SH3RF1: variants seen among roughly 807,000 people sequenced by gnomAD.
SH3RF1 encodes E3 ubiquitin-protein ligase SH3RF1.
In SH3RF1, 32 loss-of-function variants were observed where a neutral mutation model predicts 74.0. The observed-to-expected ratio is 0.43, with a 90% confidence interval of 0.33 to 0.58. The LOEUF (loss-of-function observed/expected upper bound fraction) is 0.58. Among genes scored for constraint, SH3RF1 ranks in the 20% least tolerant of loss-of-function variants. SH3RF1 has a pLI of 0.05. For synonymous variants in SH3RF1, 396 were observed against 439.6 expected, an observed-to-expected ratio of 0.90 and a Z score of 1.24; for missense variants, 954 against 1,130.9, an observed-to-expected ratio of 0.84 and a Z score of 2.24.
At chr4:169,123,788 A>C (rs932651806) in intron 6 of SH3RF1, among the ~76,000 whole-genome samples, 2 of 152,042 alleles carry the variant, frequency 1.3e-5, no homozygotes, top group East Asian at 1.9e-4. Context: ...GCTACTCGGG[A>C]GGCTGAGGCA....
At chr4:169,206,901 G>C (rs1467231207) in intron 2 of SH3RF1, among the ~76,000 whole-genome samples, 2 of 152,146 alleles carry the variant, frequency 1.3e-5, no homozygotes, top group Admixed American at 1.3e-4. Flanking sequence ...TTGGGAGGCA[G>C]AACTGGGATC....
At chr4:169,141,812 C>CTTTTTTT (rs35864108) in intron 4 of SH3RF1, among the ~76,000 whole-genome samples, 5 of 118,528 alleles carry the variant, frequency 4.2e-5, no homozygotes, top group African/African-American at 9.6e-5. Context: ...CTAATTTTTG[C>CTTTTTTT]TTTTTTTTTT....
Position 169,116,609 on chromosome 4 carries a change from C to T in SH3RF1, c.1799G>A (p.Arg600His), listed in dbSNP as rs756340632. The T allele has an allele frequency of 3.9e-6, 6 of 1,550,566 alleles. No individual in the cohort carries two copies. The highest frequency in any genetic ancestry group is 3.7e-5 in the South Asian group (3 of 80,336). Residue 600 changes from arginine (R) to histidine (H), a missense_variant, in exon 10 of 12, where the codon CGC becomes CAC. Physicochemically the swap from Arg to His is conservative, Grantham distance 29. This residue lies in a region of SH3RF1 where 854 missense variants were observed against 962.5 expected (regional missense o/e 0.89). Transcript: ENST00000284637. ...VRTVAAHNQE[R>H]PTAAVTPIQV... ...GATGGGTGTCACTGCTGCCGTGGGG[C>T]GTTCCTGGTTGTGCGCTGCAACTAG...
In SH3RF1 at chr4:169,157,168, C is replaced by T. The variant is rs150607633; in HGVS notation, c.394-489G>A. ...AGCTTGGTTGATAAAAATCAGAGTT[C>T]GGCTTTTAGGCAAATCTCTTCCTGA... On this transcript the variant is annotated intron_variant, in intron 2 of 11. Transcript: ENST00000284637. Among the ~76,000 whole-genome samples the T allele has an allele frequency of 2.1e-3, 320 of 152,272 alleles. 1 individual carries two copies. The highest frequency in any genetic ancestry group is 6.8e-3 in the African/African-American group (284 of 41,554).
rs1377481317 is a variant in SH3RF1 at position 169,096,536 on chromosome 4, A to G, written c.2650T>C (p.Phe884Leu). The G allele has an allele frequency of 6.2e-7, 1 of 1,613,830 alleles. No individual in the cohort carries two copies. The change falls in exon 12 of 12, where the codon TTT becomes CTT. Residue 884 changes from phenylalanine (F) to leucine (L), a missense_variant. Around this residue, in one of 3 missense-constraint regions of SH3RF1, gnomAD observed 36 missense variants for 66.5 expected, o/e 0.54. Transcript: ENST00000284637. Reference protein sequence around the residue: ...NGKTGLFPGSFVENI With the variant: ...NGKTGLFPGSLVENI ...CAGTCTCCTCATATGTTTTCCACAAAGCTTCCTGGGAAAAGGCCAGTTTTC... is the reference window on the plus strand; with the variant it reads ...CAGTCTCCTCATATGTTTTCCACAAGGCTTCCTGGGAAAAGGCCAGTTTTC...
At chr4:169,155,638 T>G (rs1043307483) in intron 3 of SH3RF1, 63 bp from the exon 4 acceptor site, 4 of 1,248,760 alleles carry the variant, frequency 3.2e-6, no homozygotes, top group Non-Finnish European at 4.7e-6. Context: ...GCTTGTCATT[T>G]AATTTTCCTT....
At chr4:169,121,482 A>G (rs1733434667) in intron 7 of SH3RF1, among the ~76,000 whole-genome samples, 1 of 152,188 alleles carries the variant, frequency 6.6e-6, no homozygotes, top group Non-Finnish European at 1.5e-5. Flanking sequence ...AGTTCTAGGG[A>G]AAAAGACTGA....
intron 6 of SH3RF1, among the ~76,000 whole-genome samples, chr4:169,127,026 T>C (rs955304714): frequency 3.3e-5 from 5 of 152,242 alleles, no homozygotes; most frequent in Admixed American, 6.5e-5. Flanking sequence ...GGATTATTCA[T>C]CACTTGTTTT....
chr4:169,156,345 A>G, intron 3 of SH3RF1, 59 bp downstream of exon 3: 4 of 1,463,066 alleles, frequency 2.7e-6, no homozygotes, highest in Non-Finnish European at 3.6e-6. Context: ...CTATATTTCT[A>G]TGTATCTGGG....
At chr4:169,133,721 G>T (rs1379108108) in intron 5 of SH3RF1, among the ~76,000 whole-genome samples, 1 of 152,080 alleles carries the variant, frequency 6.6e-6, no homozygotes, top group Non-Finnish European at 1.5e-5. Flanking sequence ...AGGTTGCAGT[G>T]AGCAGACAGT....
intron 2 of SH3RF1, among the ~76,000 whole-genome samples, chr4:169,203,434 C>A (rs1734942900): frequency 6.6e-6 from 1 of 151,832 alleles, no homozygotes; most frequent in South Asian, 2.1e-4. Context: ...GCCTGTAATC[C>A]CAGCTACTTG....
intron 2 of SH3RF1, 77 bp from the exon 3 acceptor site, chr4:169,156,756 A>C: frequency 1.4e-6 from 2 of 1,388,946 alleles, no homozygotes; most frequent in South Asian, 2.9e-5. Flanking sequence ...CTGCGTTGTC[A>C]TTGTTTTAAA....
rs1366012780 is a variant in SH3RF1, at chr4:169,095,003, C to T, written c.*1516G>A. 4 of 152,550 alleles carry T rather than the reference C, an allele frequency of 2.6e-5. No homozygotes were observed. The allele number at this position is 152,550 out of a possible 1,614,324, so 9.4% of individuals were successfully genotyped here. On this transcript the variant is annotated 3_prime_UTR_variant, in exon 12 of 12. Transcript: ENST00000284637. ...TATTCATTACCAGGCTGTCTTCCCT[C>T]CTTTTGTTTTCCGGACTACCCAGAT...
In SH3RF1 at chr4:169,106,906, G is replaced by A; in HGVS notation, c.2439C>T (p.Arg813=). ...DSAVPIAPPP[R]QACSSLGPVL... is the part of the protein sequence containing the mutation. ...CAGGACCCAGGGAGGAACAGGCCTG[G>A]CGAGGAGGTGGAGCGATGGGAACTG... The change falls in exon 11 of 12, where the codon CGC becomes CGT. Residue 813 remains arginine, a synonymous_variant. Transcript: ENST00000284637. 1 of 1,613,570 alleles carries A rather than the reference G, an allele frequency of 6.2e-7. No individual in the cohort carries two copies. Among genetic ancestry groups the A allele is most frequent in the Non-Finnish European group, 8.5e-7 (1 of 1,179,924 alleles).
At chr4:169,239,412 G>A (rs903637709) in intron 2 of SH3RF1, among the ~76,000 whole-genome samples, 1 of 152,058 alleles carries the variant, frequency 6.6e-6, no homozygotes, top group Non-Finnish European at 1.5e-5. Context: ...TGAATCACAA[G>A]TGCTGTTCAG....
chr4:169,161,835 T>C (rs1734152702), intron 2 of SH3RF1, among the ~76,000 whole-genome samples: 1 of 152,202 alleles, frequency 6.6e-6, no homozygotes, highest in Non-Finnish European at 1.5e-5. Flanking sequence ...TAATAGAAAG[T>C]ACCACACAGA....
At chr4:169,153,783 G>GA (rs1734009579) in intron 4 of SH3RF1, among the ~76,000 whole-genome samples, 1 of 152,176 alleles carries the variant, frequency 6.6e-6, no homozygotes, top group Admixed American at 6.5e-5. Context: ...TTCAAGTGAG[G>GA]AAAATGCTCA....
In SH3RF1 at chr4:169,156,755, C is replaced by T. The variant is rs980251894; in HGVS notation, c.394-76G>A. On this transcript the variant is annotated intron_variant, in intron 2 of 11. Transcript: ENST00000284637. ...GTCTCTGAAAATACAACTGCGTTGTCATTGTTTTAAAGTCAAAGTCAAAAC... is the reference window on the plus strand; with the variant it reads ...GTCTCTGAAAATACAACTGCGTTGTTATTGTTTTAAAGTCAAAGTCAAAAC... 8 of 1,394,138 alleles carry T rather than the reference C, an allele frequency of 5.7e-6. No individual in the cohort carries two copies. In the African/African-American group the frequency reaches 1.0e-4, roughly 18 times the overall value. 86.4% of individuals were successfully genotyped at this position (1,394,138 alleles called of 1,614,324 possible).
intron 10 of SH3RF1, among the ~76,000 whole-genome samples, chr4:169,111,847 C>G (rs182490640): frequency 6.6e-6 from 1 of 152,280 alleles, no homozygotes; most frequent in East Asian, 1.9e-4. Flanking sequence ...GCCTGTTTAT[C>G]AAACCACGGA....
Sources: allele counts gnomAD v4.1 joint callset (sites outside exome capture counted in the v4.1 genomes callset), GRCh38; gene constraint gnomAD v4.1.1; regional missense constraint gnomAD v4.1.1; transcripts MANE v1.5; gene names NCBI Gene and HGNC (gene_info 2026-07-23, HGNC 2026-07-21).